Variants in DMRT1 observed in about 807,000 individuals in gnomAD.
DMRT1 encodes doublesex and mab-3 related transcription factor 1.
In DMRT1, 7 loss-of-function variants were observed where a neutral mutation model predicts 32.3. That is an observed-to-expected ratio of 0.22 (90% CI 0.12 to 0.41). The LOEUF (loss-of-function observed/expected upper bound fraction) is 0.41, where lower values mean the gene tolerates loss of function less well. Ranked by LOEUF, DMRT1 falls within the 10% of genes least tolerant of loss-of-function variation. The probability of loss-of-function intolerance (pLI) is 1.00; values close to 1 mark genes in which losing one functional copy is unlikely to be tolerated. For synonymous variants in DMRT1, 278 were observed against 206.1 expected, an observed-to-expected ratio of 1.35 and a Z score of -2.99; for missense variants, 625 against 500.5, an observed-to-expected ratio of 1.25 and a Z score of -2.37.
At chr9:911,782 G>A (rs569079083) in intron 3 of DMRT1, among the ~76,000 whole-genome samples, 25 of 152,202 alleles carry the variant, frequency 1.6e-4, no homozygotes, top group South Asian at 1.5e-3. Flanking sequence ...GTGAGCCACC[G>A]CGCCCATCCA....
rs1308066308 is a variant in DMRT1 at position 916,741 on chromosome 9, TTTC to T, written c.823-16_823-14del. ...GACATGCAATGTTGATCTCAGTATATTTCTTCTTTTTTCTTAAGCAGATGAAGA... is the reference window on the plus strand; with the variant it reads ...GACATGCAATGTTGATCTCAGTATATTTCTTTTTTCTTAAGCAGATGAAGA... On this transcript the variant is annotated intron_variant, in intron 3 of 4. Transcript: ENST00000382276. 1 of 1,613,608 alleles carries T rather than the reference TTTC, an allele frequency of 6.2e-7. No individual in the cohort carries two copies. The highest frequency in any genetic ancestry group is 8.5e-7 in the Non-Finnish European group (1 of 1,179,540).
At chr9:874,064 A>G (rs1251596935) in intron 2 of DMRT1, among the ~76,000 whole-genome samples, 1 of 152,208 alleles carries the variant, frequency 6.6e-6, no homozygotes, top group African/African-American at 2.4e-5. Context: ...CAAATTTAAA[A>G]TGTAGTCCTT....
At chr9:890,896 T>C (rs571293353) in intron 2 of DMRT1, among the ~76,000 whole-genome samples, 62 of 151,434 alleles carry the variant, frequency 4.1e-4, no homozygotes, top group Non-Finnish European at 6.6e-4. Context: ...AATTTTTTTT[T>C]GTATTTTTTT....
At chr9:870,545 C>G (rs1816196068) in intron 2 of DMRT1, among the ~76,000 whole-genome samples, 1 of 152,018 alleles carries the variant, frequency 6.6e-6, no homozygotes, top group Non-Finnish European at 1.5e-5. Flanking sequence ...ATCCTTTTAG[C>G]CACAGCATTG....
At chr9:878,319 A>C (rs776740494) in intron 2 of DMRT1, among the ~76,000 whole-genome samples, 15 of 150,636 alleles carry the variant, frequency 1.0e-4, no homozygotes, top group Non-Finnish European at 2.2e-4. Context: ...CAGACTTTGG[A>C]AAAGGGAAGG....
At chr9:868,918 G>T (rs35658864) in intron 2 of DMRT1, among the ~76,000 whole-genome samples, 146 of 152,162 alleles carry the variant, frequency 9.6e-4, no homozygotes, top group Non-Finnish European at 1.6e-3. Flanking sequence ...ATGCAGGTGG[G>T]AGGATCACCT....
rs547976830 is a variant in DMRT1, at chr9:924,028, T to A, written c.967+7121T>A. 4.0e-5 allele frequency among the ~76,000 whole-genome samples: 6 copies of A among 151,500 alleles called. No homozygotes were observed. In the East Asian group the frequency reaches 1.2e-3, roughly 29 times the overall value. ...ACTATCCCAGGAGACGAGGTCTTGCTCAGGTCCCCAGCTCTGGAGCCAGTA... is the reference window on the plus strand; with the variant it reads ...ACTATCCCAGGAGACGAGGTCTTGCACAGGTCCCCAGCTCTGGAGCCAGTA... On this transcript the variant is annotated intron_variant, in intron 4 of 4. Transcript: ENST00000382276.
chr9:872,018 C>G (rs1816289142), intron 2 of DMRT1, among the ~76,000 whole-genome samples: 1 of 151,298 alleles, frequency 6.6e-6, no homozygotes, highest in Non-Finnish European at 1.5e-5. Flanking sequence ...ATTTGAGACC[C>G]TTCTAAAAAT....
chr9:881,263 G>A (rs917356806), intron 2 of DMRT1, among the ~76,000 whole-genome samples: 10 of 152,178 alleles, frequency 6.6e-5, no homozygotes, highest in African/African-American at 2.4e-4. Context: ...CAAGACAAAT[G>A]CCTGATTGAA....
intron 2 of DMRT1, among the ~76,000 whole-genome samples, chr9:866,509 G>C (rs927676732): frequency 3.5e-4 from 37 of 107,184 alleles, no homozygotes; most frequent in African/African-American, 1.1e-3. Context: ...AGTTTCAGAA[G>C]TTTTCCTTCT....
chr9:842,476 T>G, intron 1 of DMRT1: 1 of 417,070 alleles, frequency 2.4e-6, no homozygotes, highest in Non-Finnish European at 4.3e-6. Context: ...CCTCAGGTGA[T>G]CCACCCGCCT....
chr9:897,731 C>A (rs999026028), intron 3 of DMRT1, among the ~76,000 whole-genome samples: 1 of 152,110 alleles, frequency 6.6e-6, no homozygotes, highest in Non-Finnish European at 1.5e-5. Context: ...CCACCGCGCC[C>A]GGCCTAAAAA....
rs1838687544 is a variant in DMRT1 at position 841,747 on chromosome 9, T to C, written c.-92T>C. 6.5e-7 allele frequency: 1 copy of C among 1,547,698 alleles called. No homozygotes were observed. The highest frequency in any genetic ancestry group is 2.0e-5 in the Admixed American group (1 of 51,018). On this transcript the variant is annotated 5_prime_UTR_variant, in exon 1 of 5. Coordinates refer to ENST00000382276, the MANE Select transcript of DMRT1 (RefSeq NM_021951.3). ...CGCACACGTCTCCTGCGCCTCCTCC[T>C]CCGGAGCGTCGCTGTCCGTCGGGTT...
intron 3 of DMRT1, among the ~76,000 whole-genome samples, chr9:909,607 C>G (rs932411359): frequency 3.3e-5 from 5 of 152,182 alleles, no homozygotes; most frequent in African/African-American, 9.7e-5. Context: ...GTGAAGAGTC[C>G]TACCTTTATA....
At chr9:893,102 T>C (rs756401748) in intron 2 of DMRT1, among the ~76,000 whole-genome samples, 1 of 152,214 alleles carries the variant, frequency 6.6e-6, no homozygotes, top group Non-Finnish European at 1.5e-5. Flanking sequence ...CCTTCCCATC[T>C]TCTATCCTAG....
At chr9:945,680 C>A (rs1312354376) in intron 4 of DMRT1, among the ~76,000 whole-genome samples, 1 of 150,658 alleles carries the variant, frequency 6.6e-6, no homozygotes, top group Non-Finnish European at 1.5e-5. Context: ...ATGAACAGAA[C>A]ACTGCTGTTT....
At chr9:859,693 C>G (rs1021549701) in intron 2 of DMRT1, among the ~76,000 whole-genome samples, 17 of 152,300 alleles carry the variant, frequency 1.1e-4, no homozygotes, top group African/African-American at 2.2e-4. Context: ...CGTCTGCAGG[C>G]AGACTTCATA....
At chr9:851,061 G>A (rs1363277201) in intron 2 of DMRT1, among the ~76,000 whole-genome samples, 2 of 141,082 alleles carry the variant, frequency 1.4e-5, no homozygotes. Flanking sequence ...AAAAATAGAC[G>A]TGGAAGGCTA....
At chr9:915,751 T>TTTTTTTTTTTTTTTTTTTG (rs1564248221) in intron 3 of DMRT1, among the ~76,000 whole-genome samples, 1 of 150,006 alleles carries the variant, frequency 6.7e-6, no homozygotes, top group African/African-American at 2.5e-5. Context: ...ATATATTTTT[T>TTTTTTTTTTTTTTTTTTTG]AGACAGAGTC....
Sources: allele counts gnomAD v4.1 joint callset (sites outside exome capture counted in the v4.1 genomes callset), GRCh38; gene constraint gnomAD v4.1.1; transcripts MANE v1.5; gene names NCBI Gene and HGNC (gene_info 2026-07-23, HGNC 2026-07-21).